TUFT1: variants seen among roughly 807,000 people sequenced by gnomAD.
TUFT1 encodes the protein tuftelin.
In TUFT1, 43 loss-of-function variants were observed where a neutral mutation model predicts 57.8. The observed-to-expected ratio is 0.74, with a 90% CI of 0.58 to 0.96. The LOEUF (loss-of-function observed/expected upper bound fraction) is 0.96, where lower values mean the gene tolerates loss of function less well. Ranked by LOEUF, TUFT1 falls within the 40% of genes least tolerant of loss-of-function variation. TUFT1 has a pLI of 0.00. For missense variants in TUFT1, 459 were observed against 489.0 expected (o/e 0.94, Z 0.58); for synonymous variants, 166 against 176.7 (o/e 0.94, Z 0.48).
chr1:151,578,028 GAA>G (rs1168900117), intron 9 of TUFT1, among the ~76,000 whole-genome samples: 4 of 137,372 alleles, frequency 2.9e-5, no homozygotes, highest in African/African-American at 1.1e-4. Context: ...CCTGTCTCCG[GAA>G]AAAAAAAAAA....
chr1:151,562,134 CAGGAGA>C lies in TUFT1; in HGVS notation c.105_110del (p.Gly36_Asp37del). 1 of 1,614,168 alleles carries C rather than the reference CAGGAGA, an allele frequency of 6.2e-7. No homozygotes were observed. Among genetic ancestry groups the C allele is most frequent in the Non-Finnish European group, 8.5e-7 (1 of 1,180,006 alleles). On this transcript the variant is annotated inframe_deletion, in exon 2 of 13. Coordinates refer to ENST00000368849, the MANE Select transcript of TUFT1 (RefSeq NM_020127.3). ...AGGCTGACTCTCCAGGGTGAACTGACAGGAGATGAACTTGAACACATAGCCCAGAAG... is the reference window on the plus strand; with the variant it reads ...AGGCTGACTCTCCAGGGTGAACTGACTGAACTTGAACACATAGCCCAGAAG...
At chr1:151,578,971 G>A in intron 10 of TUFT1, 145 bp downstream of exon 10, 1 of 639,078 alleles carries the variant, frequency 1.6e-6, no homozygotes, top group Non-Finnish European at 2.6e-6. Flanking sequence ...AGGTTATTAG[G>A]ATTTGCTTTT....
At chr1:151,554,864 T>G (rs2102527483) in intron 1 of TUFT1, among the ~76,000 whole-genome samples, 1 of 148,976 alleles carries the variant, frequency 6.7e-6, no homozygotes, top group South Asian at 2.1e-4. Flanking sequence ...CCACCACTCC[T>G]GGGTAATTTT....
At chr1:151,568,051 C>T (rs917574745) in intron 6 of TUFT1, among the ~76,000 whole-genome samples, 11 of 152,132 alleles carry the variant, frequency 7.2e-5, no homozygotes, top group African/African-American at 2.7e-4. Flanking sequence ...CATGTGAATA[C>T]ATTGTACAGT....
At chr1:151,553,838 A>G (rs1665588094) in intron 1 of TUFT1, among the ~76,000 whole-genome samples, 1 of 151,428 alleles carries the variant, frequency 6.6e-6, no homozygotes, top group African/African-American at 2.4e-5. Flanking sequence ...TATCCATTTC[A>G]TGTTAGTCAT....
chr1:151,556,633 G>A (rs1665708624), intron 1 of TUFT1, among the ~76,000 whole-genome samples: 1 of 152,010 alleles, frequency 6.6e-6, no homozygotes, highest in Non-Finnish European at 1.5e-5. Context: ...CTGGTCTCAA[G>A]CTCCTGGCCT....
At chr1:151,551,588 G>C (rs540692241) in intron 1 of TUFT1, among the ~76,000 whole-genome samples, 14 of 152,142 alleles carry the variant, frequency 9.2e-5, no homozygotes, top group African/African-American at 3.1e-4. Flanking sequence ...CAAGGGAGGA[G>C]AGGATACCCC....
At chr1:151,574,421 C>G (rs1666377628) in intron 8 of TUFT1, 23 bp downstream of exon 8, 5 of 1,613,168 alleles carry the variant, frequency 3.1e-6, no homozygotes, top group East Asian at 4.5e-5. Context: ...TCTTGCTTGT[C>G]AGTGCCTGGA....
intron 1 of TUFT1, among the ~76,000 whole-genome samples, chr1:151,550,124 C>T (rs1665463873): frequency 6.6e-6 from 1 of 152,122 alleles, no homozygotes; most frequent in Non-Finnish European, 1.5e-5. Flanking sequence ...CTCTGCCTCC[C>T]AGGTTCAAGC....
intron 10 of TUFT1, 104 bp downstream of exon 10, chr1:151,578,930 C>A: frequency 1.1e-6 from 1 of 894,464 alleles, no homozygotes; most frequent in Non-Finnish European, 1.7e-6. Flanking sequence ...TTTCCCATGT[C>A]AAACATTTAT....
At chr1:151,575,721 A>G (rs565775919) in intron 9 of TUFT1, among the ~76,000 whole-genome samples, 36 of 152,336 alleles carry the variant, frequency 2.4e-4, no homozygotes, top group African/African-American at 6.3e-4. Context: ...ACATCAGCAT[A>G]TTTGGTTTGA....
At chr1:151,580,797 G>A in intron 11 of TUFT1, 145 bp from the exon 12 acceptor site, 1 of 665,178 alleles carries the variant, frequency 1.5e-6, no homozygotes, top group Non-Finnish European at 2.7e-6. Flanking sequence ...GATGAGGCAA[G>A]TGGGTATCCA....
chr1:151,546,393 AT>A (rs1454882098), intron 1 of TUFT1, among the ~76,000 whole-genome samples: 2 of 152,216 alleles, frequency 1.3e-5, no homozygotes, highest in Admixed American at 6.5e-5. Context: ...TATAATTCAT[AT>A]ACCCCATTTA....
intron 1 of TUFT1, among the ~76,000 whole-genome samples, chr1:151,544,814 A>G (rs1665281274): frequency 1.3e-5 from 2 of 152,082 alleles, no homozygotes; most frequent in Admixed American, 1.3e-4. Context: ...TTTTGTGTTT[A>G]CCTCCATGTT....
intron 5 of TUFT1, 117 bp from the exon 6 acceptor site, chr1:151,566,046 C>T: frequency 6.3e-6 from 1 of 157,816 alleles, no homozygotes; most frequent in Non-Finnish European, 1.4e-5. Flanking sequence ...CTCCCTTTCA[C>T]CTTCCTCTCC....
chr1:151,563,454 A>T (rs1665964185), intron 3 of TUFT1, among the ~76,000 whole-genome samples: 1 of 152,190 alleles, frequency 6.6e-6, no homozygotes, highest in Non-Finnish European at 1.5e-5. Context: ...CACCTACAGT[A>T]TTCAGTACAG....
chr1:151,570,056 C>T lies in TUFT1; in HGVS notation c.594+286C>T, dbSNP rs528730959. Among the ~76,000 whole-genome samples the T allele has an allele frequency of 9.2e-5, 14 of 152,310 alleles. No homozygotes were observed. In the East Asian group the frequency reaches 2.7e-3, roughly 29 times the overall value. ...GCAGCCGGTGATTCAGAAGTCATTT[C>T]TGTCTGTGTCGTGGTAAGAATCCCT... On this transcript the variant is annotated intron_variant, in intron 7 of 12. Transcript: ENST00000368849.
chr1:151,548,664 C>T (rs879912207), intron 1 of TUFT1, among the ~76,000 whole-genome samples: 9 of 151,034 alleles, frequency 6.0e-5, no homozygotes, highest in Non-Finnish European at 1.2e-4. Context: ...AGGCCATGTA[C>T]ACTTGGGGTG....
At chr1:151,558,140 CT>C (rs1483177733) in intron 1 of TUFT1, among the ~76,000 whole-genome samples, 9 of 151,876 alleles carry the variant, frequency 5.9e-5, no homozygotes, top group African/African-American at 2.4e-5. Context: ...TTAAGCCATT[CT>C]TTTAGTGTAG....
Sources: allele counts gnomAD v4.1 joint callset (sites outside exome capture counted in the v4.1 genomes callset), GRCh38; gene constraint gnomAD v4.1.1; transcripts MANE v1.5; gene names NCBI Gene and HGNC (gene_info 2026-07-23, HGNC 2026-07-21).